SMCHD1: variants seen among roughly 807,000 people sequenced by gnomAD.
SMCHD1 encodes structural maintenance of chromosomes flexible hinge domain containing 1, also known as structural maintenance of chromosomes flexible hinge domain-containing protein 1.
SMCHD1 carries 78 observed loss-of-function variants against 254.7 expected under a neutral mutation model. The ratio of observed to expected loss-of-function variants is 0.31; its 90% CI spans 0.26 to 0.37. The LOEUF (loss-of-function observed/expected upper bound fraction) is 0.37. SMCHD1 is among the 10% of genes least tolerant of loss of function. The pLI is 1.00. For synonymous variants in SMCHD1, 766 were observed against 794.9 expected (o/e 0.96, Z 0.61); for missense variants, 1,840 against 2,408.1 (o/e 0.76, Z 4.94).
At chr18:2,759,516 T>C (rs1324294052) in intron 34 of SMCHD1, among the ~76,000 whole-genome samples, 2 of 130,930 alleles carry the variant, frequency 1.5e-5, no homozygotes, top group Non-Finnish European at 3.2e-5. Context: ...TACAGCTGTT[T>C]TCATCATGAA....
At chr18:2,666,782 C>A in intron 2 of SMCHD1, 88 bp from the exon 3 acceptor site, 1 of 1,072,344 alleles carries the variant, frequency 9.3e-7, no homozygotes, top group Non-Finnish European at 1.3e-6. Context: ...AAAGATATTT[C>A]ATAGATAGAA....
intron 24 of SMCHD1, among the ~76,000 whole-genome samples, chr18:2,730,516 G>A (rs1377450795): frequency 2.0e-5 from 3 of 152,164 alleles, no homozygotes; most frequent in African/African-American, 4.8e-5. Context: ...CTTTTTATTG[G>A]TGATTCATCG....
chr18:2,705,642 T>A (rs2074496156), intron 13 of SMCHD1, 52 bp from the exon 14 acceptor site: 1 of 863,086 alleles, frequency 1.2e-6, no homozygotes, highest in East Asian at 2.7e-5. Flanking sequence ...CCTTTTTCTC[T>A]TCGTAAATCT....
intron 5 of SMCHD1, among the ~76,000 whole-genome samples, chr18:2,682,159 A>C (rs1397739837): frequency 6.6e-6 from 1 of 151,660 alleles, no homozygotes; most frequent in African/African-American, 2.4e-5. Flanking sequence ...AGTTTTCTTA[A>C]GTTTGGTGTT....
intron 45 of SMCHD1, among the ~76,000 whole-genome samples, chr18:2,791,329 C>G (rs1568398078): frequency 6.6e-6 from 1 of 152,160 alleles, no homozygotes; most frequent in Admixed American, 6.5e-5. Context: ...GTGGCTCACG[C>G]CTATAATCCC....
intron 5 of SMCHD1, among the ~76,000 whole-genome samples, chr18:2,680,232 A>G (rs761410449): frequency 6.6e-6 from 1 of 152,066 alleles, no homozygotes; most frequent in African/African-American, 2.4e-5. Context: ...ATCTTTTTGC[A>G]TGGCTTGTAA....
intron 1 of SMCHD1, among the ~76,000 whole-genome samples, chr18:2,665,920 C>T (rs562438538): frequency 2.6e-5 from 4 of 151,830 alleles, no homozygotes; most frequent in Non-Finnish European, 2.9e-5. Flanking sequence ...CACTAGTGTT[C>T]CTAGGTTGCT....
At chr18:2,669,887 A>G (rs974053198) in intron 3 of SMCHD1, among the ~76,000 whole-genome samples, 2 of 152,160 alleles carry the variant, frequency 1.3e-5, no homozygotes, top group African/African-American at 4.8e-5. Context: ...TGATACTTGT[A>G]TTTCTCATAC....
intron 7 of SMCHD1, 50 bp downstream of exon 7, chr18:2,688,797 G>A (rs188482886): frequency 1.4e-5 from 16 of 1,103,490 alleles, no homozygotes; most frequent in African/African-American, 3.1e-5. Context: ...TTGGATAGAC[G>A]GTGGGACAGA....
At chr18:2,679,626 A>G (rs1437142240) in intron 5 of SMCHD1, among the ~76,000 whole-genome samples, 2 of 152,090 alleles carry the variant, frequency 1.3e-5, no homozygotes, top group Admixed American at 6.6e-5. Flanking sequence ...CTGTGTAACA[A>G]ATTGCTTCTC....
intron 3 of SMCHD1, among the ~76,000 whole-genome samples, chr18:2,672,592 A>C (rs2073641102): frequency 6.6e-6 from 1 of 152,180 alleles, no homozygotes; most frequent in South Asian, 2.1e-4. Flanking sequence ...AAGATACGTA[A>C]ATTTGATATG....
chr18:2,756,664 C>T (rs1032966529), intron 34 of SMCHD1, among the ~76,000 whole-genome samples: 4 of 152,062 alleles, frequency 2.6e-5, no homozygotes, highest in Admixed American at 6.6e-5. Flanking sequence ...GGCATGATCT[C>T]AGCTCACTGC....
chr18:2,679,336 C>T (rs1357987880), intron 5 of SMCHD1, among the ~76,000 whole-genome samples: 3 of 149,972 alleles, frequency 2.0e-5, no homozygotes, highest in Admixed American at 6.6e-5. Context: ...ATTAGCAGGG[C>T]GTGGTGGCGG....
At chr18:2,710,511 A>G (rs756407164) in intron 17 of SMCHD1, among the ~76,000 whole-genome samples, 9 of 152,332 alleles carry the variant, frequency 5.9e-5, no homozygotes, top group South Asian at 2.1e-4. Context: ...AAGTCATTCA[A>G]TCCGTGAACA....
intron 33 of SMCHD1, among the ~76,000 whole-genome samples, chr18:2,751,623 T>C (rs916359124): frequency 4.6e-5 from 7 of 152,126 alleles, no homozygotes; most frequent in Admixed American, 2.0e-4. Flanking sequence ...CATTTTAAGA[T>C]GCCTACACAT....
intron 35 of SMCHD1, 146 bp from the exon 36 acceptor site, chr18:2,761,959 G>A (rs894862610): frequency 1.5e-6 from 1 of 653,732 alleles, no homozygotes. Context: ...AAAGCAAATT[G>A]ATTACTTTTA....
intron 17 of SMCHD1, among the ~76,000 whole-genome samples, chr18:2,716,810 A>C (rs1336668437): frequency 6.6e-6 from 1 of 152,218 alleles, no homozygotes; most frequent in Non-Finnish European, 1.5e-5. Context: ...GCTGGCAGCA[A>C]GCTGAAACAG....
In SMCHD1 at chr18:2,722,530, G is replaced by C; in HGVS notation, c.2470G>C (p.Glu824Gln). Residue 824 changes from glutamate (E) to glutamine (Q), a missense_variant, in exon 20 of 48, where the codon GAG becomes CAG. Glu to Gln is a conservative substitution (Grantham distance 29). Around this residue, in one of 9 missense-constraint regions of SMCHD1, gnomAD observed 59 missense variants for 99.2 expected, o/e 0.59. Coordinates refer to ENST00000320876, the MANE Select transcript of SMCHD1 (RefSeq NM_015295.3). ...IKFSVKEGKP[E>Q]KFSFGLLDLP... Reference sequence around the variant, plus strand: ...TGTTTTTGTTAAAGAGGGTAAGCCAGAGAAATTTTCATTTGGTCTTCTGGA... The same window carrying C: ...TGTTTTTGTTAAAGAGGGTAAGCCACAGAAATTTTCATTTGGTCTTCTGGA... The C allele has an allele frequency of 6.2e-7, 1 of 1,612,150 alleles. No individual in the cohort carries two copies. The highest frequency in any genetic ancestry group is 8.5e-7 in the Non-Finnish European group (1 of 1,179,188).
chr18:2,765,121 A>C (rs1228086923), intron 37 of SMCHD1, among the ~76,000 whole-genome samples: 1 of 152,172 alleles, frequency 6.6e-6, no homozygotes, highest in Admixed American at 6.5e-5. Flanking sequence ...CATTTCTTTT[A>C]GAATTTTCAT....
Sources: gnomAD v4.1 joint callset for allele counts (sites outside exome capture counted in the v4.1 genomes callset) on GRCh38, gnomAD v4.1.1 for gene constraint, gnomAD v4.1.1 regional missense constraint, MANE v1.5 for transcripts, NCBI Gene and HGNC (gene_info 2026-07-23, HGNC 2026-07-21) for gene names.